Variants in NRXN1 observed in about 807,000 individuals in gnomAD.
The protein encoded by NRXN1 is neurexin-1.
Under a neutral mutation model 150.9 loss-of-function variants are expected in NRXN1, and 39 were observed. That is an observed-to-expected ratio of 0.26 (90% CI 0.20 to 0.34). The LOEUF is 0.34. Ranked by LOEUF, NRXN1 falls within the 10% of genes least tolerant of loss-of-function variation. NRXN1 has a pLI of 1.00. For synonymous variants in NRXN1, 924 were observed against 757.0 expected (o/e 1.22, Z -3.62); for missense variants, 1,815 against 1,949.9 (o/e 0.93, Z 1.30).
At chr2:50,354,041 AT>A in intron 17 of NRXN1, among the ~76,000 whole-genome samples, 1 of 152,260 alleles carries the variant, frequency 6.6e-6, no homozygotes, top group East Asian at 1.9e-4. Flanking sequence ...GAGCTTTCTC[AT>A]TAAGCTCCTT....
At chr2:50,177,602 A>G (rs2060429347) in intron 18 of NRXN1, among the ~76,000 whole-genome samples, 1 of 152,034 alleles carries the variant, frequency 6.6e-6, no homozygotes, top group Non-Finnish European at 1.5e-5. Flanking sequence ...TCATTGAATT[A>G]ATGTGGTTAT....
chr2:50,523,852 C>T (rs1246220539), intron 12 of NRXN1, among the ~76,000 whole-genome samples: 1 of 152,174 alleles, frequency 6.6e-6, no homozygotes, highest in Admixed American at 6.5e-5. Context: ...GCCCTTGATG[C>T]TTTGTTCACA....
chr2:50,336,489 T>C (rs1431427233), intron 17 of NRXN1, among the ~76,000 whole-genome samples: 1 of 152,224 alleles, frequency 6.6e-6, no homozygotes, highest in African/African-American at 2.4e-5. Flanking sequence ...TAATTGTCAG[T>C]CTTTTCTCTA....
At chr2:49,998,171 A>T (rs1165469932) in intron 21 of NRXN1, among the ~76,000 whole-genome samples, 1 of 152,168 alleles carries the variant, frequency 6.6e-6, no homozygotes. Context: ...GGAGGAAAGA[A>T]TTAAAACTTT....
chr2:50,055,906 G>T (rs1013305032), intron 19 of NRXN1, among the ~76,000 whole-genome samples: 1 of 152,162 alleles, frequency 6.6e-6, no homozygotes, highest in Non-Finnish European at 1.5e-5. Context: ...TAACCTAAGT[G>T]AGAGCCCTGC....
At chr2:49,945,664 T>G (rs1045238000) in intron 21 of NRXN1, among the ~76,000 whole-genome samples, 5 of 152,158 alleles carry the variant, frequency 3.3e-5, no homozygotes, top group African/African-American at 1.2e-4. Flanking sequence ...TCTGATAGTT[T>G]GCTGAGAATG....
intron 8 of NRXN1, among the ~76,000 whole-genome samples, chr2:50,584,327 C>A (rs1672759052): frequency 6.6e-6 from 1 of 152,108 alleles, no homozygotes; most frequent in African/African-American, 2.4e-5. Flanking sequence ...TTTGTGTGGC[C>A]ATATGTTCCT....
At chr2:50,864,670 G>A (rs1466352092) in intron 5 of NRXN1, among the ~76,000 whole-genome samples, 1 of 152,032 alleles carries the variant, frequency 6.6e-6, no homozygotes, top group Non-Finnish European at 1.5e-5. Context: ...AAGGCATTAA[G>A]ATGCTGTGTG....
chr2:50,649,259 T>TACACACACACACACACACACACACACAC (rs10634117), intron 5 of NRXN1, among the ~76,000 whole-genome samples: 1 of 143,244 alleles, frequency 7.0e-6, no homozygotes, highest in African/African-American at 2.6e-5. Flanking sequence ...CATACACACA[T>TACACACACACACACACACACACACACAC]ACACACACAC....
At chr2:49,934,181 T>G (rs1317567876) in intron 22 of NRXN1, among the ~76,000 whole-genome samples, 1 of 152,218 alleles carries the variant, frequency 6.6e-6, no homozygotes, top group African/African-American at 2.4e-5. Context: ...TGGTAATAAA[T>G]AGCTGACAGC....
At chr2:50,701,415 G>A (rs1693723965) in intron 5 of NRXN1, among the ~76,000 whole-genome samples, 1 of 152,074 alleles carries the variant, frequency 6.6e-6, no homozygotes, top group African/African-American at 2.4e-5. Flanking sequence ...TCTTTTCACA[G>A]AAGGCTAGCA....
chr2:50,968,979 T>G (rs1694564879), intron 2 of NRXN1, among the ~76,000 whole-genome samples: 1 of 152,090 alleles, frequency 6.6e-6, no homozygotes, highest in East Asian at 1.9e-4. Context: ...CTACTGAAAC[T>G]TCATCTTCTT....
chr2:49,924,458 A>C (rs1668743576), intron 22 of NRXN1, among the ~76,000 whole-genome samples: 1 of 152,212 alleles, frequency 6.6e-6, no homozygotes, highest in Non-Finnish European at 1.5e-5. Context: ...TCTTATCAAA[A>C]AAATTTTATT....
chr2:50,967,018 A>T (rs969682509), intron 2 of NRXN1, among the ~76,000 whole-genome samples: 6 of 151,928 alleles, frequency 3.9e-5, no homozygotes, highest in Non-Finnish European at 8.8e-5. Flanking sequence ...GTCAATAACC[A>T]GGAAATAAGT....
Position 50,547,958 on chromosome 2 carries a change from T to G in NRXN1, c.1759+4629A>C, listed in dbSNP as rs970024526. Among the ~76,000 whole-genome samples the G allele has an allele frequency of 2.6e-5, 4 of 152,160 alleles. No homozygotes were observed. In the East Asian group the frequency reaches 5.8e-4, roughly 22 times the overall value. ...GTCTCAGATTGGAAGAAGGAACATATGTTAGAAATAACCAGTTACAATCAG... is the reference window on the plus strand; with the variant it reads ...GTCTCAGATTGGAAGAAGGAACATAGGTTAGAAATAACCAGTTACAATCAG... On this transcript the variant is annotated intron_variant, in intron 9 of 22. Coordinates refer to ENST00000401669, the MANE Select transcript of NRXN1 (RefSeq NM_001330078.2).
intron 5 of NRXN1, among the ~76,000 whole-genome samples, chr2:50,902,622 C>A (rs386466412): frequency 3.6e-4 from 55 of 152,214 alleles, no homozygotes; most frequent in Admixed American, 1.5e-3. Context: ...CTTGGGAGTG[C>A]TGAGAATATA....
chr2:50,751,433 C>G (rs537782970), intron 5 of NRXN1, among the ~76,000 whole-genome samples: 1 of 152,084 alleles, frequency 6.6e-6, no homozygotes, highest in African/African-American at 2.4e-5. Flanking sequence ...GGAAAACAAA[C>G]TTCCAAGTGA....
chr2:50,374,338 T>TAAATAAATAAAA (rs1431360704), intron 17 of NRXN1, among the ~76,000 whole-genome samples: 2 of 150,508 alleles, frequency 1.3e-5, no homozygotes, highest in East Asian at 1.9e-4. Flanking sequence ...AATAAATAAA[T>TAAATAAATAAAA]AAAATTGGGT....
chr2:50,556,098 G>A (rs867155124), intron 8 of NRXN1, among the ~76,000 whole-genome samples: 15 of 152,088 alleles, frequency 9.9e-5, no homozygotes, highest in Non-Finnish European at 2.1e-4. Flanking sequence ...GGCTACTCCA[G>A]AAAACAGAAA....
Sources: gnomAD v4.1 joint callset for allele counts (sites outside exome capture counted in the v4.1 genomes callset) on GRCh38, gnomAD v4.1.1 for gene constraint, MANE v1.5 for transcripts, NCBI Gene and HGNC (gene_info 2026-07-23, HGNC 2026-07-21) for gene names.